Variants in IQCH observed in about 807,000 individuals in gnomAD.
IQCH encodes IQ domain-containing protein H.
In IQCH, 98 loss-of-function variants were observed where a neutral mutation model predicts 117.0. The observed-to-expected ratio is 0.84, with a 90% CI of 0.71 to 0.99. IQCH has a LOEUF of 0.99. Ranked by LOEUF, IQCH falls within the 50% of genes least tolerant of loss-of-function variation. IQCH has a pLI of 0.00. For synonymous variants in IQCH, 412 were observed against 448.2 expected (o/e 0.92, Z 1.02); for missense variants, 1,102 against 1,243.8 (o/e 0.89, Z 1.72).
intron 16 of IQCH, among the ~76,000 whole-genome samples, chr15:67,429,588 T>A (rs2081976388): frequency 6.6e-6 from 1 of 152,172 alleles, no homozygotes; most frequent in African/African-American, 2.4e-5. Context: ...ATAACAAAAA[T>A]TTGTATAGAA....
rs1321017434 is a variant in IQCH at position 67,336,829 on chromosome 15, A to G, written c.388-146A>G. On this transcript the variant is annotated intron_variant, in intron 4 of 20. Transcript: ENST00000335894. ...ATGGTAGTAGACAATAGCACAGGGT[A>G]TTCATGAGCAATAAAATTGGAGCTG... 7.5e-6 allele frequency: 5 copies of G among 670,596 alleles called. No individual in the cohort carries two copies. The Admixed American group carries it at 1.4e-4, about 19-fold the overall frequency. The allele number at this position is 670,596 out of a possible 1,614,324, so 41.5% of individuals were successfully genotyped here. A position where few individuals can be genotyped will look rare whatever the true frequency, so the allele number is the denominator to read the frequency against.
rs1160279859 is a variant in IQCH at position 67,370,307 on chromosome 15, T to C, written c.754-1804T>C. Reference sequence around the variant, plus strand: ...AATCTCCCATCGATAGCTTTGCTTCTTATAGGTCTCAGAGTCCTGTTGACT... The same window carrying C: ...AATCTCCCATCGATAGCTTTGCTTCCTATAGGTCTCAGAGTCCTGTTGACT... On this transcript the variant is annotated intron_variant, in intron 8 of 20. Coordinates refer to ENST00000335894, the MANE Select transcript of IQCH (RefSeq NM_001031715.3). This position sits in a 1 kb window ranked among gnomAD's most constrained non-coding sequence, Gnocchi z 5.6. Among the ~76,000 whole-genome samples the C allele has an allele frequency of 1.3e-5, 2 of 152,230 alleles. No individual in the cohort carries two copies. The highest frequency in any genetic ancestry group is 4.8e-5 in the African/African-American group (2 of 41,476).
chr15:67,442,870 A>C (rs2082310554), intron 16 of IQCH, among the ~76,000 whole-genome samples: 1 of 101,128 alleles, frequency 9.9e-6, no homozygotes, highest in Admixed American at 1.0e-4. Context: ...ATAGATATAC[A>C]TATATATATA....
intron 16 of IQCH, among the ~76,000 whole-genome samples, chr15:67,439,696 A>T (rs1286725961): frequency 6.6e-6 from 1 of 151,944 alleles, no homozygotes; most frequent in Admixed American, 6.6e-5. Flanking sequence ...GACCAGCGTG[A>T]CCAACATGGA....
At chr15:67,321,754 T>C (rs7183186) in intron 4 of IQCH, among the ~76,000 whole-genome samples, 101,801 of 151,996 alleles carry the variant, frequency 0.67, 34,839 homozygotes, top group Middle Eastern at 0.84. Context: ...TCAACCAATC[T>C]CAGCTTTGCT....
At chr15:67,382,309 C>T (rs780710570) in intron 10 of IQCH, among the ~76,000 whole-genome samples, 1 of 152,230 alleles carries the variant, frequency 6.6e-6, no homozygotes, top group African/African-American at 2.4e-5. Flanking sequence ...AGCAACTCTT[C>T]TCTTCTGCTT....
In IQCH at chr15:67,390,145, T is replaced by A. The variant is rs1850645847; in HGVS notation, c.1632+1139T>A. ...CTGGGGAAGCAAAAGAAAGGACAAG[T>A]GACAAATCACTGCCGTTTATGTACA... On this transcript the variant is annotated intron_variant, in intron 12 of 20. Transcript: ENST00000335894. This position sits in a 1 kb window ranked among gnomAD's most constrained non-coding sequence, Gnocchi z 5.0. Among the ~76,000 whole-genome samples the A allele has an allele frequency of 6.6e-6, 1 of 152,146 alleles. No homozygotes were observed. Among genetic ancestry groups the A allele is most frequent in the Non-Finnish European group, 1.5e-5 (1 of 68,014 alleles).
At chr15:67,379,860 C>CT (rs1230599228) in intron 10 of IQCH, among the ~76,000 whole-genome samples, 9 of 151,472 alleles carry the variant, frequency 5.9e-5, no homozygotes, top group East Asian at 5.8e-4. Flanking sequence ...TCAGTTCTTT[C>CT]TTTTTTTTTG....
At chr15:67,492,673 A>G (rs1377227962) in intron 19 of IQCH, among the ~76,000 whole-genome samples, 1 of 152,176 alleles carries the variant, frequency 6.6e-6, no homozygotes. Flanking sequence ...AGCCCAGCAG[A>G]GGCTGACACT....
chr15:67,306,796 TAACA>T (rs1555444390), intron 4 of IQCH: 1 of 1,488,360 alleles, frequency 6.7e-7, no homozygotes, highest in Non-Finnish European at 9.1e-7. Flanking sequence ...TGCCAAATAG[TAACA>T]AACAACCTTC....
intron 4 of IQCH, among the ~76,000 whole-genome samples, chr15:67,300,958 C>A (rs1052178460): frequency 1.3e-5 from 2 of 152,138 alleles, no homozygotes; most frequent in East Asian, 3.8e-4. Context: ...GTAGGTAAAA[C>A]AGTAATTGGC....
In IQCH at chr15:67,370,868, T is replaced by C. The variant is rs41370046; in HGVS notation, c.754-1243T>C. Among the ~76,000 whole-genome samples the C allele has an allele frequency of 0.47, 71,338 of 151,574 alleles. 17,213 individuals carry two copies. The highest frequency in any genetic ancestry group is 0.52 in the Non-Finnish European group (35,373 of 67,866). ...GAGATGGCAGTCTAATTAATTATTG[T>C]GCGGCCCAGGACCGGAGAAAAGAAA... On this transcript the variant is annotated intron_variant, in intron 8 of 20. Transcript: ENST00000335894. The surrounding 1 kb of genome is among the most constrained non-coding windows in gnomAD (Gnocchi z 5.6).
rs138259659 is a variant in IQCH, at chr15:67,398,367, T to C, written c.1906-1747T>C. ...CATTAGAGAAATAAGGAAACAACTT[T>C]GGAAGGCATATTTAAAAAACCTTCC... On this transcript the variant is annotated intron_variant, in intron 13 of 20. Transcript: ENST00000335894. Among the ~76,000 whole-genome samples the C allele has an allele frequency of 2.0e-3, 312 of 152,306 alleles. 1 individual carries two copies. The highest frequency in any genetic ancestry group is 3.6e-3 in the Non-Finnish European group (242 of 68,026).
intron 8 of IQCH, among the ~76,000 whole-genome samples, chr15:67,363,791 G>A (rs1046185638): frequency 2.0e-5 from 3 of 152,080 alleles, no homozygotes; most frequent in South Asian, 2.1e-4. Flanking sequence ...CTACTTATAA[G>A]TGAGAACATG....
rs2082599246 is a variant in IQCH at position 67,454,056 on chromosome 15, G to A, written c.2506-11071G>A. 6.6e-6 allele frequency among the ~76,000 whole-genome samples: 1 copy of A among 152,210 alleles called. No homozygotes were observed. Among genetic ancestry groups the A allele is most frequent in the African/African-American group, 2.4e-5 (1 of 41,450 alleles). On this transcript the variant is annotated intron_variant, in intron 16 of 20. Transcript: ENST00000335894. This position sits in a 1 kb window ranked among gnomAD's most constrained non-coding sequence, Gnocchi z 5.2. ...TGTGAGGGATATAATCTCCTGGTGT[G>A]CTGTTTTTTAAGCCCGTTGGAAAAG...
chr15:67,280,887 C>T (rs1380055353), intron 4 of IQCH, among the ~76,000 whole-genome samples: 1 of 151,966 alleles, frequency 6.6e-6, no homozygotes, highest in South Asian at 2.1e-4. Context: ...ACTCTTGTCA[C>T]CCAGGCTGGA....
intron 4 of IQCH, among the ~76,000 whole-genome samples, chr15:67,319,118 T>G (rs1462632721): frequency 6.6e-6 from 1 of 151,900 alleles, no homozygotes; most frequent in Non-Finnish European, 1.5e-5. Flanking sequence ...TCCCAGTTAC[T>G]AGGGAGGCTG....
At chr15:67,409,713 G>A (rs560359244) in intron 14 of IQCH, among the ~76,000 whole-genome samples, 4 of 152,300 alleles carry the variant, frequency 2.6e-5, no homozygotes, top group East Asian at 3.9e-4. Context: ...ATTAGCTATC[G>A]AGGGAAAATT....
intron 4 of IQCH, among the ~76,000 whole-genome samples, chr15:67,318,875 T>C (rs944903510): frequency 6.6e-6 from 1 of 152,172 alleles, no homozygotes; most frequent in Non-Finnish European, 1.5e-5. Context: ...CCTTGCACTC[T>C]ATACGAAGAA....
Sources: allele counts gnomAD v4.1 joint callset (sites outside exome capture counted in the v4.1 genomes callset), GRCh38; gene constraint gnomAD v4.1.1; non-coding constraint Gnocchi (gnomAD v3.1); transcripts MANE v1.5; gene names NCBI Gene and HGNC (gene_info 2026-07-23, HGNC 2026-07-21).